Variants in ENTREP2 observed in about 807,000 individuals in gnomAD.
ENTREP2 encodes endosomal transmembrane epsin interactor 2, also known as protein ENTREP2.
At chr15:29,252,439 G>A in the ENTREP2 span, 1 of 1,551,060 alleles carries the variant, frequency 6.4e-7, no homozygotes. Flanking sequence ...GCCAAATTCA[G>A]CATTACACAC....
the ENTREP2 span, among the ~76,000 whole-genome samples, chr15:29,255,525 C>T: frequency 1.3e-5 from 2 of 152,060 alleles, no homozygotes; most frequent in Non-Finnish European, 1.5e-5. Context: ...TAGGTATATA[C>T]CCAAAGGAAA....
At chr15:29,182,534 A>C in the ENTREP2 span, among the ~76,000 whole-genome samples, 1 of 152,142 alleles carries the variant, frequency 6.6e-6, no homozygotes, top group Non-Finnish European at 1.5e-5. Context: ...AAAAATGGTA[A>C]CATTTTTATT....
At chr15:29,243,110 G>T in the ENTREP2 span, among the ~76,000 whole-genome samples, 3 of 152,178 alleles carry the variant, frequency 2.0e-5, no homozygotes, top group Non-Finnish European at 4.4e-5. Context: ...CTGAGTTTAT[G>T]TTGTAAGAAG....
At chr15:29,192,997 A>C in the ENTREP2 span, among the ~76,000 whole-genome samples, 285 of 152,338 alleles carry the variant, frequency 1.9e-3, 1 homozygote, top group African/African-American at 6.6e-3. Flanking sequence ...ATAAACATCT[A>C]TGAAAAACTT....
At chr15:29,570,614 GC>G in the ENTREP2 span, 1 of 1,446,196 alleles carries the variant, frequency 6.9e-7, no homozygotes. Flanking sequence ...CATCTGCGTG[GC>G]CCCGAGCGCC....
the ENTREP2 span, among the ~76,000 whole-genome samples, chr15:29,649,917 G>A: frequency 1.3e-5 from 2 of 152,080 alleles, no homozygotes; most frequent in African/African-American, 4.8e-5. Flanking sequence ...ACGGATAAGA[G>A]TTGGTGGGGA....
At chr15:29,419,356 C>A in the ENTREP2 span, among the ~76,000 whole-genome samples, 51 of 152,156 alleles carry the variant, frequency 3.4e-4, no homozygotes, top group Non-Finnish European at 6.8e-4. Context: ...AGTAACTCAA[C>A]AGATGGGTTT....
chr15:29,473,208 C>T, the ENTREP2 span, among the ~76,000 whole-genome samples: 1 of 152,202 alleles, frequency 6.6e-6, no homozygotes, highest in Non-Finnish European at 1.5e-5. Flanking sequence ...CTTGCAGCCA[C>T]ACCATACCCA....
chr15:29,549,398 T>A, the ENTREP2 span, among the ~76,000 whole-genome samples: 1 of 151,818 alleles, frequency 6.6e-6, no homozygotes, highest in Admixed American at 6.6e-5. Context: ...GCCTCCCGAG[T>A]AGCTGGGACT....
At chr15:29,283,014 C>G in the ENTREP2 span, among the ~76,000 whole-genome samples, 2 of 152,164 alleles carry the variant, frequency 1.3e-5, no homozygotes, top group African/African-American at 4.8e-5. Context: ...CATGCTCACA[C>G]AGGGAGCTGG....
chr15:29,633,951 C>CA, the ENTREP2 span, among the ~76,000 whole-genome samples: 414 of 149,364 alleles, frequency 2.8e-3, 2 homozygotes, highest in East Asian at 0.02. Flanking sequence ...GACTTCATCT[C>CA]AAAAAAAAGA....
the ENTREP2 span, among the ~76,000 whole-genome samples, chr15:29,664,085 G>A: frequency 1.3e-5 from 2 of 151,278 alleles, no homozygotes; most frequent in African/African-American, 4.9e-5. Context: ...ATAATAAATT[G>A]CTCCCAGCAT....
chr15:29,133,519 G>C, the ENTREP2 span, among the ~76,000 whole-genome samples: 144,368 of 152,282 alleles, frequency 0.95, 68,925 homozygotes, highest in East Asian at 1. Context: ...GCCCTCCATC[G>C]CATCAAAGCT....
At chr15:29,261,756 T>C in the ENTREP2 span, among the ~76,000 whole-genome samples, 2 of 152,042 alleles carry the variant, frequency 1.3e-5, no homozygotes, top group Non-Finnish European at 2.9e-5. Flanking sequence ...CACTTGCAAT[T>C]AGAATCAAAG....
the ENTREP2 span, among the ~76,000 whole-genome samples, chr15:29,126,682 T>A: frequency 6.6e-6 from 1 of 152,200 alleles, no homozygotes; most frequent in East Asian, 1.9e-4. Context: ...CCAGAAATCA[T>A]TCCAGGAATG....
chr15:29,532,411 T>G, the ENTREP2 span, among the ~76,000 whole-genome samples: 1 of 152,242 alleles, frequency 6.6e-6, no homozygotes, highest in Non-Finnish European at 1.5e-5. Context: ...GCACTTGATT[T>G]AGGCATTTAT....
At chr15:29,397,368 G>A in the ENTREP2 span, among the ~76,000 whole-genome samples, 2 of 152,078 alleles carry the variant, frequency 1.3e-5, no homozygotes, top group Non-Finnish European at 2.9e-5. Flanking sequence ...TCCAGCCTGG[G>A]CGACAGAGTG....
the ENTREP2 span, chr15:29,195,416 C>T: frequency 1.6e-6 from 1 of 626,566 alleles, no homozygotes; most frequent in Non-Finnish European, 2.0e-6. Context: ...TTCCCATCCC[C>T]TGCATACTGC....
the ENTREP2 span, among the ~76,000 whole-genome samples, chr15:29,563,083 G>A: frequency 2.0e-5 from 3 of 152,086 alleles, no homozygotes; most frequent in Non-Finnish European, 1.5e-5. Context: ...GAGCCACCAC[G>A]CCCTGTCAAG....
Sources: allele counts gnomAD v4.1 joint callset (sites outside exome capture counted in the v4.1 genomes callset), GRCh38; gene constraint gnomAD v4.1.1; transcripts MANE v1.5; gene names NCBI Gene and HGNC (gene_info 2026-07-23, HGNC 2026-07-21).